The following SCOC variants were observed in gnomAD, a reference collection of about 807,000 sequenced individuals.
SCOC encodes short coiled coil protein.
A neutral mutation model predicts 9.9 loss-of-function variants in SCOC; 7 were observed. The ratio of observed to expected loss-of-function variants is 0.71; its 90% confidence interval spans 0.40 to 1.33. SCOC has a LOEUF of 1.33. Among genes scored for constraint, SCOC ranks in the 40% most tolerant of loss-of-function variants. The pLI is 0.01. For missense variants in SCOC, 66 were observed against 89.7 expected, an observed-to-expected ratio of 0.74 and a Z score of 1.07; for synonymous variants, 19 against 28.2, an observed-to-expected ratio of 0.67 and a Z score of 1.03.
At chr4:140,261,056 A>G (rs1730622475) in intron 1 of SCOC, among the ~76,000 whole-genome samples, 1 of 152,362 alleles carries the variant, frequency 6.6e-6, no homozygotes, top group African/African-American at 2.4e-5. Context: ...AGCTATCAAG[A>G]TGAATGAGTT....
rs73858118 is a variant in SCOC at position 140,258,491 on chromosome 4, A to T, written c.-19+1081A>T. ...CCCTCCTCCAGATAAGACACACTCCATGTAATTAGGCCGTCCTTAACCAAA... is the reference window on the plus strand; with the variant it reads ...CCCTCCTCCAGATAAGACACACTCCTTGTAATTAGGCCGTCCTTAACCAAA... On this transcript the variant is annotated intron_variant, in intron 1 of 4. Transcript: ENST00000394205. Among the ~76,000 whole-genome samples the T allele has an allele frequency of 7.3e-3, 1,109 of 152,302 alleles. 13 individuals carry two copies. Among genetic ancestry groups the T allele is most frequent in the African/African-American group, 0.025 (1,035 of 41,554 alleles).
chr4:140,274,462 G>C (rs1730931112), intron 1 of SCOC, among the ~76,000 whole-genome samples: 1 of 152,086 alleles, frequency 6.6e-6, no homozygotes, highest in African/African-American at 2.4e-5. Context: ...TCCTGATGAA[G>C]GCAAAAGGTT....
intron 1 of SCOC, among the ~76,000 whole-genome samples, chr4:140,276,072 G>A (rs1438279297): frequency 2.0e-5 from 3 of 151,564 alleles, no homozygotes; most frequent in African/African-American, 4.9e-5. Context: ...GGCACTATTC[G>A]GCTCACTGCA....
intron 1 of SCOC, among the ~76,000 whole-genome samples, chr4:140,313,261 T>C (rs1291804727): frequency 2.6e-5 from 4 of 152,232 alleles, no homozygotes; most frequent in African/African-American, 9.6e-5. Context: ...GATTTGTTTT[T>C]TGAAACGGAG....
At chr4:140,373,818 C>A in intron 1 of SCOC, 101 bp downstream of exon 1, 1 of 1,287,484 alleles carries the variant, frequency 7.8e-7, no homozygotes, top group Non-Finnish European at 1.1e-6. Context: ...CTGGACGCGG[C>A]CCTGCGCACC....
At position 140,379,576 on chromosome 4, in the gene SCOC, T is replaced by C; in HGVS notation, c.30T>C (p.Asp10=). 1.2e-6 allele frequency: 2 copies of C among 1,610,760 alleles called. No individual in the cohort carries two copies. Among genetic ancestry groups the C allele is most frequent in the East Asian group, 4.5e-5 (2 of 44,780 alleles). The change falls in exon 3 of 4, where the codon GAT becomes GAC. Residue 10 remains aspartate (D), a synonymous_variant. Coordinates refer to ENST00000608372, the MANE Select transcript of SCOC (RefSeq NM_001153484.2). ...TGAACCTTTATATTACAGCAGTTGA[T>C]GCTGAAAATCAAGTGGAACTGGAGG... MMNADMDAV[D]AENQVELEEK... is the part of the protein sequence containing the mutation.
At chr4:140,266,915 G>C (rs1017522627) in intron 1 of SCOC, among the ~76,000 whole-genome samples, 1 of 152,056 alleles carries the variant, frequency 6.6e-6, no homozygotes, top group South Asian at 2.1e-4. Context: ...CCTGGGGCTC[G>C]TTGTATTTTC....
At position 140,278,507 on chromosome 4, in the gene SCOC, G is replaced by A. The variant is rs1180527265; in HGVS notation, c.-19+21097G>A. 6.6e-5 allele frequency among the ~76,000 whole-genome samples: 10 copies of A among 152,224 alleles called. No homozygotes were observed. The East Asian group carries it at 1.9e-3, about 29-fold the overall frequency. On this transcript the variant is annotated intron_variant, in intron 1 of 4. Coordinates refer to the SCOC transcript ENST00000394205. ...GTAGAGATGGGGTTTCACTGTGTTA[G>A]CCAGGATGGTCTCGATCTCCTGACC...
At chr4:140,338,217 A>G (rs1169554808) in intron 1 of SCOC, among the ~76,000 whole-genome samples, 1 of 152,202 alleles carries the variant, frequency 6.6e-6, no homozygotes, top group African/African-American at 2.4e-5. Context: ...ATCTCAATAG[A>G]TGCAGAAAAG....
chr4:140,363,392 A>T (rs934524494), intron 2 of SCOC, among the ~76,000 whole-genome samples: 1 of 152,206 alleles, frequency 6.6e-6, no homozygotes, highest in African/African-American at 2.4e-5. Context: ...GATTGTGACA[A>T]TTTGGAAAAA....
At chr4:140,367,695 T>A (rs968922156) in intron 2 of SCOC, among the ~76,000 whole-genome samples, 2 of 152,210 alleles carry the variant, frequency 1.3e-5, no homozygotes, top group Admixed American at 1.3e-4. Context: ...AGATTATTTT[T>A]ATAAAATTTT....
At chr4:140,362,301 T>TCCTTCTTC in intron 2 of SCOC, among the ~76,000 whole-genome samples, 7 of 29,400 alleles carry the variant, frequency 2.4e-4, no homozygotes, top group Non-Finnish European at 4.4e-4. Flanking sequence ...TTCTTCTTCT[T>TCCTTCTTC]TTTTTTTTTT....
intron 1 of SCOC, among the ~76,000 whole-genome samples, chr4:140,304,844 A>T (rs1731920970): frequency 6.6e-6 from 1 of 152,222 alleles, no homozygotes; most frequent in African/African-American, 2.4e-5. Context: ...CCTGATCCAG[A>T]ACCGATTTGA....
chr4:140,342,559 A>G (rs1052692745), upstream of SCOC, among the ~76,000 whole-genome samples: 1 of 152,156 alleles, frequency 6.6e-6, no homozygotes, highest in Admixed American at 6.5e-5. Flanking sequence ...GCTCACATCC[A>G]TTCTGCTTGA....
At chr4:140,313,717 C>G (rs1031648562) in intron 1 of SCOC, among the ~76,000 whole-genome samples, 1 of 152,050 alleles carries the variant, frequency 6.6e-6, no homozygotes, top group Non-Finnish European at 1.5e-5. Flanking sequence ...AATTCAAGAC[C>G]CTCTTGCTAA....
At chr4:140,273,369 C>T (rs1308557115) in intron 1 of SCOC, among the ~76,000 whole-genome samples, 1 of 152,072 alleles carries the variant, frequency 6.6e-6, no homozygotes, top group South Asian at 2.1e-4. Flanking sequence ...AAATTCATAT[C>T]CTTAGTTCTA....
intron 1 of SCOC, among the ~76,000 whole-genome samples, chr4:140,336,219 G>A (rs1163581341): frequency 1.3e-5 from 2 of 151,918 alleles, no homozygotes; most frequent in Non-Finnish European, 2.9e-5. Context: ...TTTTAAAGTT[G>A]GTATAAAATT....
intron 1 of SCOC, among the ~76,000 whole-genome samples, chr4:140,329,060 C>G (rs1219124932): frequency 6.6e-6 from 1 of 152,148 alleles, no homozygotes; most frequent in Non-Finnish European, 1.5e-5. Context: ...TACTATAAGG[C>G]CACAGTCACC....
intron 2 of SCOC, chr4:140,360,764 GA>G: frequency 6.6e-6 from 1 of 152,324 alleles, no homozygotes; most frequent in African/African-American, 2.4e-5. Flanking sequence ...CAATGGAGAA[GA>G]TGCAGTTACT....
Sources: gnomAD v4.1 joint callset for allele counts (sites outside exome capture counted in the v4.1 genomes callset) on GRCh38, gnomAD v4.1.1 for gene constraint, MANE v1.5 for transcripts, NCBI Gene and HGNC (gene_info 2026-07-23, HGNC 2026-07-21) for gene names.